UBOX5: variants seen among roughly 807,000 people sequenced by gnomAD.
The protein encoded by UBOX5 is RING finger protein 37.
UBOX5 carries 28 observed loss-of-function variants against 39.0 expected under a neutral mutation model. The ratio of observed to expected loss-of-function variants is 0.72; its 90% CI spans 0.53 to 0.98. UBOX5 has a LOEUF of 0.98. Among genes scored for constraint, UBOX5 ranks in the 50% least tolerant of loss-of-function variants. UBOX5 has a pLI of 0.00. For synonymous variants in UBOX5, 283 were observed against 275.5 expected (o/e 1.03, Z -0.27); for missense variants, 585 against 674.4 (o/e 0.87, Z 1.47).
At chr20:3,138,694 C>T (rs1474110951) in intron 1 of UBOX5, among the ~76,000 whole-genome samples, 3 of 152,220 alleles carry the variant, frequency 2.0e-5, no homozygotes, top group Non-Finnish European at 4.4e-5. Flanking sequence ...TGCCCTGTCT[C>T]GAAGGTTGTT....
rs1439282709 is a variant in UBOX5 at position 3,109,001 on chromosome 20, G to C, written c.*1105C>G. The stretch of plus-strand genomic sequence containing the variant: ...TCTCTAAAGTATTGGGTGTGGACTA[G>C]AGCTCTGGACGGCCTAAAGGAAAGG... On this transcript the variant is annotated 3_prime_UTR_variant, in exon 5 of 5. Transcript: ENST00000217173. 1.3e-5 allele frequency: 2 copies of C among 150,128 alleles called. No individual in the cohort carries two copies. The allele number at this position is 150,128 out of a possible 1,614,324, so 9.3% of individuals were successfully genotyped here.
chr20:3,131,568 T>C (rs2066429165), intron 1 of UBOX5, among the ~76,000 whole-genome samples: 1 of 152,220 alleles, frequency 6.6e-6, no homozygotes, highest in East Asian at 1.9e-4. Context: ...CATGGAACAT[T>C]TGCAAGCCCT....
intron 1 of UBOX5, among the ~76,000 whole-genome samples, chr20:3,135,344 T>C (rs1284612196): frequency 1.3e-5 from 2 of 151,752 alleles, no homozygotes; most frequent in Admixed American, 6.6e-5. Flanking sequence ...GGTGAGAACA[T>C]GAACAAAAGA....
chr20:3,110,053 G>A lies in UBOX5; in HGVS notation c.*53C>T, dbSNP rs2066240887. 2.5e-6 allele frequency: 4 copies of A among 1,598,072 alleles called. No homozygotes were observed. In the African/African-American group the frequency reaches 4.0e-5, roughly 16 times the overall value. ...TCAGGGGTGCTGTGGCCCTGCTCCT[G>A]TTCCCCCTCAGCTCCTCCCAGCAAT... On this transcript the variant is annotated 3_prime_UTR_variant, in exon 5 of 5. Transcript: ENST00000217173.
Position 3,154,514 on chromosome 20 carries a change from C to A in UBOX5, c.-42+5252G>T, listed in dbSNP as rs78576953. 2.9e-3 allele frequency among the ~76,000 whole-genome samples: 437 copies of A among 151,876 alleles called. 3 individuals carry two copies. Among genetic ancestry groups the A allele is most frequent in the African/African-American group, 9.5e-3 (395 of 41,398 alleles). On this transcript the variant is annotated intron_variant, in intron 1 of 4. Coordinates refer to ENST00000217173, the MANE Select transcript of UBOX5 (RefSeq NM_014948.4). ...CTGGGCAATGTAGTGAGACCCCCAC[C>A]TCTACAAAATATTTAGAAATTAGCC...
At chr20:3,146,029 G>C (rs369721439) in intron 1 of UBOX5, among the ~76,000 whole-genome samples, 1 of 149,280 alleles carries the variant, frequency 6.7e-6, no homozygotes, top group Non-Finnish European at 1.5e-5. Context: ...CTGGGCAACC[G>C]AGGGAGACTC....
chr20:3,122,388 T>C lies in UBOX5; in HGVS notation c.251A>G (p.Tyr84Cys). The C allele has an allele frequency of 6.2e-7, 1 of 1,614,208 alleles. No homozygotes were observed. The highest frequency in any genetic ancestry group is 8.5e-7 in the Non-Finnish European group (1 of 1,180,012). ...CACTCTGCTAGATGAGGCAGATGTG[T>C]ACATTTCCAGGCCAGTGACGTTCTG... ...GGQNVTGLEM[Y>C]TSASSSRVSW... The change falls in exon 3 of 5, where the codon TAC becomes TGC. Residue 84 changes from tyrosine (Y) to cysteine (C), a missense_variant. Coordinates refer to ENST00000217173, the MANE Select transcript of UBOX5 (RefSeq NM_014948.4).
intron 1 of UBOX5, among the ~76,000 whole-genome samples, chr20:3,143,097 CTTTTTTTTTT>C (rs35450698): frequency 9.7e-5 from 7 of 72,510 alleles, no homozygotes; most frequent in African/African-American, 3.3e-4. Flanking sequence ...AATCATCTGT[CTTTTTTTTTT>C]TTTTTTTTTT....
Position 3,115,290 on chromosome 20 carries a change from C to T in UBOX5, c.1417+15G>A, listed in dbSNP as rs369071473. The T allele has an allele frequency of 1.0e-5, 16 of 1,603,626 alleles. No homozygotes were observed. The highest frequency in any genetic ancestry group is 6.7e-5 in the East Asian group (3 of 44,516). On this transcript the variant is annotated intron_variant, in intron 4 of 4. Coordinates refer to ENST00000217173, the MANE Select transcript of UBOX5 (RefSeq NM_014948.4). ...CCATTCCAAGGCTCCAAGGAGATGGCGGGGCCCATGTTACCCGAGCCGGTG... is the reference window on the plus strand; with the variant it reads ...CCATTCCAAGGCTCCAAGGAGATGGTGGGGCCCATGTTACCCGAGCCGGTG...
In UBOX5 at chr20:3,139,434, G is replaced by A. The variant is rs569662892; in HGVS notation, c.-41-16028C>T. ...ACAAGAGTTTTGCTCTTGTTGCCCA[G>A]GCTGGAGTGCAATGGCGCGATCTCG... On this transcript the variant is annotated intron_variant, in intron 1 of 4. Transcript: ENST00000217173. 2.1e-3 allele frequency among the ~76,000 whole-genome samples: 325 copies of A among 152,142 alleles called. 5 individuals are homozygous for A. The highest frequency in any genetic ancestry group is 3.1e-3 in the Non-Finnish European group (212 of 68,004).
chr20:3,145,877 C>T (rs1177790963), intron 1 of UBOX5, among the ~76,000 whole-genome samples: 1 of 151,832 alleles, frequency 6.6e-6, no homozygotes. Context: ...GAAACCCCAT[C>T]TCAAATAAAA....
At position 3,109,323 on chromosome 20, in the gene UBOX5, C is replaced by G. The variant is rs6051581; in HGVS notation, c.*783G>C. ...TGCATGAGGAAACGCTGCGCTCCCC[C>G]TCAGGGAGCAGTTTCTGAAGCCAGC... On this transcript the variant is annotated 3_prime_UTR_variant, in exon 5 of 5. Transcript: ENST00000217173. The G allele has an allele frequency of 6.6e-6, 1 of 152,186 alleles. No individual in the cohort carries two copies. The highest frequency in any genetic ancestry group is 2.4e-5 in the African/African-American group (1 of 41,408). The allele number at this position is 152,186 out of a possible 1,614,324, so 9.4% of individuals were successfully genotyped here.
At chr20:3,116,301 G>A (rs1600363300) in intron 3 of UBOX5, among the ~76,000 whole-genome samples, 1 of 152,082 alleles carries the variant, frequency 6.6e-6, no homozygotes, top group Admixed American at 6.5e-5. Context: ...AAGACCCCAC[G>A]TTGACCACGC....
At position 3,121,555 on chromosome 20, in the gene UBOX5, G is replaced by T. The variant is rs1402519768; in HGVS notation, c.1084C>A (p.Gln362Lys). The T allele has an allele frequency of 2.5e-6, 4 of 1,609,550 alleles. No homozygotes were observed. The highest frequency in any genetic ancestry group is 1.3e-5 in the African/African-American group (1 of 74,808). ...TCAGCCTGCTCTATCTTCCTTTTCTGAGAGGGCAGAACAATGGAAGAAGGG... is the reference window on the plus strand; with the variant it reads ...TCAGCCTGCTCTATCTTCCTTTTCTTAGAGGGCAGAACAATGGAAGAAGGG... ...VIPSSIVLPS[Q>K]KRKIEQAEHV... Residue 362 changes from glutamine (Q) to lysine (K), a missense_variant, in exon 3 of 5, where the codon CAG becomes AAG. Gln to Lys is a moderately conservative substitution (Grantham distance 53). Coordinates refer to ENST00000217173, the MANE Select transcript of UBOX5 (RefSeq NM_014948.4).
intron 1 of UBOX5, among the ~76,000 whole-genome samples, chr20:3,159,035 C>T (rs190331176): frequency 6.6e-6 from 1 of 152,154 alleles, no homozygotes; most frequent in Non-Finnish European, 1.5e-5. Flanking sequence ...AAGCATCACC[C>T]AAGACTGATG....
At chr20:3,144,724 T>C (rs992038024) in intron 1 of UBOX5, among the ~76,000 whole-genome samples, 5 of 152,238 alleles carry the variant, frequency 3.3e-5, no homozygotes, top group African/African-American at 1.2e-4. Flanking sequence ...TGTATTATGT[T>C]ACTTATATAT....
intron 1 of UBOX5, chr20:3,147,459 G>A: frequency 6.2e-7 from 1 of 1,614,182 alleles, no homozygotes; most frequent in Non-Finnish European, 8.5e-7. Flanking sequence ...CCCTCTTGCT[G>A]AAGGTGAGTA....
chr20:3,122,079 C>G lies in UBOX5; in HGVS notation c.560G>C (p.Cys187Ser), dbSNP rs867508374. ...ITHVTGGGIP[C>S]IKRLEVWGQP... ...ACCCCACACTTCCAACCGCTTGATACAAGGGATACCGCCGCCTGTCACATG... is the reference window on the plus strand; with the variant it reads ...ACCCCACACTTCCAACCGCTTGATAGAAGGGATACCGCCGCCTGTCACATG... The change falls in exon 3 of 5, where the codon TGT (cysteine) becomes TCT (serine). Residue 187 changes from cysteine to serine, a missense_variant. Cys to Ser is a moderately radical substitution (Grantham distance 112). Coordinates refer to ENST00000217173, the MANE Select transcript of UBOX5 (RefSeq NM_014948.4). The G allele has an allele frequency of 2.5e-6, 4 of 1,614,250 alleles. No individual in the cohort carries two copies. The highest frequency in any genetic ancestry group is 3.4e-6 in the Non-Finnish European group (4 of 1,180,046).
At chr20:3,142,209 C>T (rs906711071) in intron 1 of UBOX5, among the ~76,000 whole-genome samples, 2 of 151,408 alleles carry the variant, frequency 1.3e-5, no homozygotes, top group Admixed American at 6.6e-5. Context: ...CACCTATAAT[C>T]CCAGCACTCT....
Sources: gnomAD v4.1 joint callset for allele counts (sites outside exome capture counted in the v4.1 genomes callset) on GRCh38, gnomAD v4.1.1 for gene constraint, MANE v1.5 for transcripts, NCBI Gene and HGNC (gene_info 2026-07-23, HGNC 2026-07-21) for gene names.